The following ADAM9 variants were observed in gnomAD, a reference collection of about 807,000 sequenced individuals.
ADAM9 encodes disintegrin and metalloproteinase domain-containing protein 9.
ADAM9 carries 54 observed loss-of-function variants against 108.1 expected under a neutral mutation model. That is an observed-to-expected ratio of 0.50 (90% CI 0.40 to 0.63). The LOEUF (loss-of-function observed/expected upper bound fraction) is 0.63. Ranked by LOEUF, ADAM9 falls within the 20% of genes least tolerant of loss-of-function variation. The pLI is 0.00. For synonymous variants in ADAM9, 316 were observed against 336.0 expected (o/e 0.94, Z 0.65); for missense variants, 830 against 997.7 (o/e 0.83, Z 2.26).
At chr8:39,014,433 T>G (rs1836459045) in intron 4 of ADAM9, 2 of 620,316 alleles carry the variant, frequency 3.2e-6, no homozygotes, top group East Asian at 2.8e-5. Context: ...AAAACACTCA[T>G]TTGATGTTAT....
chr8:39,091,390 G>A lies in ADAM9; in HGVS notation c.2298+44G>A, dbSNP rs369425859. On this transcript the variant is annotated intron_variant, in intron 20 of 21. Coordinates refer to ENST00000487273, the MANE Select transcript of ADAM9 (RefSeq NM_003816.3). The stretch of plus-strand genomic sequence containing the variant: ...ATTATTTTTCTTTACTGTATTAAAG[G>A]ATCAAATGCTTAAGGATTAAAAACA... 2.0e-6 allele frequency: 3 copies of A among 1,516,702 alleles called. No homozygotes were observed. In the African/African-American group the frequency reaches 4.1e-5, roughly 21 times the overall value. 94.0% of individuals were successfully genotyped at this position (1,516,702 alleles called of 1,614,324 possible). A position where few individuals can be genotyped will look rare whatever the true frequency, so the allele number is the denominator to read the frequency against.
chr8:39,000,131 TCTC>T (rs1407990931), intron 1 of ADAM9, among the ~76,000 whole-genome samples: 1 of 151,502 alleles, frequency 6.6e-6, no homozygotes, highest in African/African-American at 2.4e-5. Flanking sequence ...TTCAAGCAAT[TCTC>T]CTGCCTCAGC....
chr8:39,075,079 G>A (rs998322947), intron 15 of ADAM9, among the ~76,000 whole-genome samples: 11 of 151,770 alleles, frequency 7.2e-5, no homozygotes, highest in Admixed American at 7.2e-4. Flanking sequence ...GCTAAGTTTT[G>A]TATTTTTAGT....
At chr8:39,084,701 A>T (rs1323135412) in intron 18 of ADAM9, among the ~76,000 whole-genome samples, 1 of 151,938 alleles carries the variant, frequency 6.6e-6, no homozygotes, top group African/African-American at 2.4e-5. Flanking sequence ...TCTGTAAGTT[A>T]TTAGTTCATG....
At chr8:39,097,292 T>C (rs933906195) in intron 20 of ADAM9, among the ~76,000 whole-genome samples, 48 of 152,032 alleles carry the variant, frequency 3.2e-4, no homozygotes, top group Admixed American at 2.8e-3. Context: ...GTGTCTGTGA[T>C]ACTGTGGTCT....
chr8:39,086,841 T>A (rs1229441767), intron 18 of ADAM9, among the ~76,000 whole-genome samples: 1 of 152,224 alleles, frequency 6.6e-6, no homozygotes, highest in Non-Finnish European at 1.5e-5. Flanking sequence ...TAGGGCTGAT[T>A]CTGCTTCATT....
chr8:39,047,813 T>A (rs554047532), intron 12 of ADAM9, among the ~76,000 whole-genome samples: 1 of 152,258 alleles, frequency 6.6e-6, no homozygotes, highest in African/African-American at 2.4e-5. Context: ...ATTTCCCTTA[T>A]GATAATTTTG....
chr8:39,087,139 C>G (rs1839203352), intron 18 of ADAM9, among the ~76,000 whole-genome samples: 1 of 152,224 alleles, frequency 6.6e-6, no homozygotes, highest in Non-Finnish European at 1.5e-5. Flanking sequence ...CCAGCTCCAT[C>G]TCTTTAACTG....
At chr8:39,047,047 G>A (rs1837798754) in intron 12 of ADAM9, among the ~76,000 whole-genome samples, 1 of 152,234 alleles carries the variant, frequency 6.6e-6, no homozygotes, top group Non-Finnish European at 1.5e-5. Context: ...GGGATTACAG[G>A]TGTGCACCAC....
chr8:39,044,872 A>G (rs1157326647), intron 12 of ADAM9, among the ~76,000 whole-genome samples: 1 of 145,584 alleles, frequency 6.9e-6, no homozygotes, highest in Non-Finnish European at 1.5e-5. Context: ...GTGTGTATAC[A>G]TACATATATA....
intron 9 of ADAM9, among the ~76,000 whole-genome samples, chr8:39,023,740 GTTTTTTT>G (rs869059346): frequency 5.1e-5 from 4 of 78,902 alleles, no homozygotes; most frequent in African/African-American, 2.1e-4. Context: ...TTTTGCGTTT[GTTTTTTT>G]TTTTTTTTTT....
Position 39,103,793 on chromosome 8 carries a change from A to G in ADAM9, c.*93A>G. The G allele has an allele frequency of 1.6e-6, 2 of 1,233,646 alleles. No homozygotes were observed. The highest frequency in any genetic ancestry group is 4.6e-5 in the East Asian group (2 of 43,020). The allele number at this position is 1,233,646 out of a possible 1,614,324, so 76.4% of individuals were successfully genotyped here. ...TTTTCTTGAAAAGCCTTTCTGTTGCAACTATGAATGAAAACAAAACACCAC... is the reference window on the plus strand; with the variant it reads ...TTTTCTTGAAAAGCCTTTCTGTTGCGACTATGAATGAAAACAAAACACCAC... On this transcript the variant is annotated 3_prime_UTR_variant, in exon 22 of 22. Coordinates refer to ENST00000487273, the MANE Select transcript of ADAM9 (RefSeq NM_003816.3).
At chr8:39,020,372 A>G (rs1836696601) in intron 7 of ADAM9, among the ~76,000 whole-genome samples, 1 of 152,190 alleles carries the variant, frequency 6.6e-6, no homozygotes, top group Admixed American at 6.6e-5. Context: ...ATCAAGCCCT[A>G]TCAAATATAT....
intron 20 of ADAM9, among the ~76,000 whole-genome samples, chr8:39,098,222 G>C (rs1296560555): frequency 6.6e-6 from 1 of 151,714 alleles, no homozygotes; most frequent in Non-Finnish European, 1.5e-5. Flanking sequence ...TTTCCATGTG[G>C]CTTTTTCTTC....
intron 3 of ADAM9, among the ~76,000 whole-genome samples, chr8:39,012,648 G>C (rs968181819): frequency 6.6e-6 from 1 of 152,172 alleles, no homozygotes. Flanking sequence ...CCTTTGTAGG[G>C]ACATGGATGA....
chr8:39,050,745 T>G (rs1477468134), intron 12 of ADAM9, among the ~76,000 whole-genome samples: 5 of 151,354 alleles, frequency 3.3e-5, no homozygotes, highest in Non-Finnish European at 5.9e-5. Context: ...GAGAAAGAAG[T>G]GAATTTGTTG....
chr8:39,072,204 A>G (rs981481658), intron 15 of ADAM9, among the ~76,000 whole-genome samples: 1 of 152,214 alleles, frequency 6.6e-6, no homozygotes, highest in Non-Finnish European at 1.5e-5. Flanking sequence ...TATAATCTCA[A>G]TCCATATATG....
At chr8:39,088,283 TG>T (rs1839237981) in intron 18 of ADAM9, among the ~76,000 whole-genome samples, 1 of 151,728 alleles carries the variant, frequency 6.6e-6, no homozygotes, top group Admixed American at 6.6e-5. Context: ...TTTTTTTTTT[TG>T]AGATGGAGTC....
At chr8:39,045,813 C>T (rs1837751445) in intron 12 of ADAM9, among the ~76,000 whole-genome samples, 1 of 151,532 alleles carries the variant, frequency 6.6e-6, no homozygotes. Flanking sequence ...AGAGGTTGAA[C>T]TAATTTACAT....
Sources: gnomAD v4.1 joint callset for allele counts (sites outside exome capture counted in the v4.1 genomes callset) on GRCh38, gnomAD v4.1.1 for gene constraint, MANE v1.5 for transcripts, NCBI Gene and HGNC (gene_info 2026-07-23, HGNC 2026-07-21) for gene names.